Variants in IQCM observed in about 807,000 individuals in gnomAD.
IQCM encodes IQ motif containing M, also known as IQ domain-containing protein M.
Under a neutral mutation model 57.6 loss-of-function variants are expected in IQCM, and 45 were observed. The ratio of observed to expected loss-of-function variants is 0.78; its 90% confidence interval spans 0.62 to 1.00. The LOEUF (loss-of-function observed/expected upper bound fraction) is 1.00, where lower values mean the gene tolerates loss of function less well. IQCM is among the 50% of genes least tolerant of loss of function. The pLI is 0.00. For missense variants in IQCM, 468 were observed against 511.6 expected (o/e 0.91, Z 0.82); for synonymous variants, 148 against 158.9 (o/e 0.93, Z 0.51).
At chr4:149,716,473 T>A (rs996051626) in intron 5 of IQCM, among the ~76,000 whole-genome samples, 2 of 152,150 alleles carry the variant, frequency 1.3e-5, no homozygotes, top group African/African-American at 4.8e-5. Context: ...AGCAGAGATG[T>A]CCAGGTCCGC....
chr4:149,682,639 T>G (rs1018908292), intron 6 of IQCM, among the ~76,000 whole-genome samples: 58 of 150,896 alleles, frequency 3.8e-4, no homozygotes, highest in African/African-American at 1.3e-3. Flanking sequence ...AGAAAGAAAA[T>G]AAAAATCTCC....
intron 10 of IQCM, among the ~76,000 whole-genome samples, chr4:149,553,624 A>T (rs1749251961): frequency 1.3e-5 from 2 of 152,180 alleles, no homozygotes; most frequent in African/African-American, 4.8e-5. Flanking sequence ...TTAAGGTATT[A>T]TTCTGTAATA....
In IQCM at chr4:149,675,855, G is replaced by A. The variant is rs1189646006; in HGVS notation, c.565+6263C>T. Among the ~76,000 whole-genome samples, 5 of 152,080 alleles carry A rather than the reference G, an allele frequency of 3.3e-5. No homozygotes were observed. In the East Asian group the frequency reaches 9.7e-4, roughly 30 times the overall value. The stretch of plus-strand genomic sequence containing the variant: ...TATCTGAGAAGCAGCCATCCAGAAA[G>A]AGGAAATTTTCTAACTTTTTATCTC... On this transcript the variant is annotated intron_variant, in intron 7 of 13. Coordinates refer to ENST00000636793, the MANE Select transcript of IQCM (RefSeq NM_001363507.2).
chr4:149,762,843 C>T (rs1481939215), intron 2 of IQCM, among the ~76,000 whole-genome samples: 2 of 152,032 alleles, frequency 1.3e-5, no homozygotes, highest in African/African-American at 2.4e-5. Flanking sequence ...CCTAATTACT[C>T]TTATAAGGAG....
intron 5 of IQCM, among the ~76,000 whole-genome samples, chr4:149,731,477 G>A (rs953988106): frequency 1.3e-5 from 2 of 152,104 alleles, no homozygotes; most frequent in Non-Finnish European, 2.9e-5. Flanking sequence ...AAATTATTCA[G>A]GCATTTTGTT....
At chr4:149,765,011 A>G (rs2149973370) in intron 2 of IQCM, among the ~76,000 whole-genome samples, 1 of 152,212 alleles carries the variant, frequency 6.6e-6, no homozygotes, top group Non-Finnish European at 1.5e-5. Flanking sequence ...GATAAAGAGG[A>G]GAAGAGTTGA....
intron 12 of IQCM, among the ~76,000 whole-genome samples, chr4:149,494,164 G>T (rs1679909578): frequency 6.6e-6 from 1 of 151,766 alleles, no homozygotes; most frequent in African/African-American, 2.4e-5. Flanking sequence ...AATTAACTCA[G>T]GCACAGCAGT....
intron 13 of IQCM, among the ~76,000 whole-genome samples, chr4:149,423,513 T>C (rs1053271873): frequency 9.2e-5 from 14 of 152,140 alleles, no homozygotes; most frequent in African/African-American, 3.4e-4. Flanking sequence ...CTTTGAATAA[T>C]GTTAAAGAAG....
chr4:149,595,340 T>C lies in IQCM; in HGVS notation c.682-7343A>G, dbSNP rs570767700. Among the ~76,000 whole-genome samples, 74 of 152,254 alleles carry C rather than the reference T, an allele frequency of 4.9e-4. 1 individual carries two copies. The South Asian group carries it at 0.015, about 32-fold the overall frequency. The stretch of plus-strand genomic sequence containing the variant: ...TTCCTCCATCCCTTTATTTTTTAAG[T>C]AGGAAGGGATTTTCTCGGTTTTAAA... On this transcript the variant is annotated intron_variant, in intron 8 of 13. Coordinates refer to ENST00000636793, the MANE Select transcript of IQCM (RefSeq NM_001363507.2).
intron 5 of IQCM, among the ~76,000 whole-genome samples, chr4:149,703,636 A>G (rs1763933834): frequency 6.6e-6 from 1 of 151,940 alleles, no homozygotes; most frequent in Non-Finnish European, 1.5e-5. Context: ...GGTTAACAAA[A>G]GCTATAAAAT....
chr4:149,443,100 C>A (rs560957579), intron 12 of IQCM, among the ~76,000 whole-genome samples: 5 of 152,080 alleles, frequency 3.3e-5, no homozygotes, highest in African/African-American at 1.2e-4. Flanking sequence ...AACTCTTGTG[C>A]ATGGCTGATG....
intron 8 of IQCM, among the ~76,000 whole-genome samples, chr4:149,591,157 C>A (rs577070588): frequency 3.9e-5 from 6 of 152,170 alleles, no homozygotes; most frequent in African/African-American, 1.4e-4. Context: ...TGGTACCAAG[C>A]TTCTGATAAT....
intron 2 of IQCM, among the ~76,000 whole-genome samples, chr4:149,767,812 T>A (rs1580246321): frequency 6.6e-6 from 1 of 152,064 alleles, no homozygotes; most frequent in East Asian, 1.9e-4. Context: ...ATAATTGCAA[T>A]CCCTATGCGT....
intron 12 of IQCM, among the ~76,000 whole-genome samples, chr4:149,533,369 C>G (rs573392158): frequency 8.4e-4 from 128 of 152,140 alleles, no homozygotes; most frequent in Non-Finnish European, 1.4e-3. Context: ...CATTTCCCAA[C>G]AGCAACAGAC....
chr4:149,621,222 T>C lies in IQCM; in HGVS notation c.588A>G (p.Arg196=). ...GGAAAGACCTTGTCAGCACAAATCC[T>C]CTCCAGTCATAGAATGCTTTGTCTG... ...KEPDKAFYDW[R]GFVLTRSFRL... The change falls in exon 8 of 14, where the codon AGA becomes AGG. Residue 196 remains arginine, a synonymous_variant. Transcript: ENST00000636793. 8.1e-7 allele frequency: 1 copy of C among 1,231,412 alleles called. No homozygotes were observed. Among genetic ancestry groups the C allele is most frequent in the East Asian group, 3.2e-5 (1 of 31,690 alleles). The allele number at this position is 1,231,412 out of a possible 1,614,324, so 76.3% of individuals were successfully genotyped here.
At chr4:149,547,884 A>C (rs551526095) in intron 12 of IQCM, among the ~76,000 whole-genome samples, 1 of 152,342 alleles carries the variant, frequency 6.6e-6, no homozygotes, top group South Asian at 2.1e-4. Context: ...AGATGTTTTC[A>C]TACTTTTGTG....
chr4:149,543,070 A>G (rs990447857), intron 12 of IQCM, among the ~76,000 whole-genome samples: 28 of 152,146 alleles, frequency 1.8e-4, no homozygotes, highest in African/African-American at 6.8e-4. Flanking sequence ...TTGAAAAAAA[A>G]ATACATATTC....
intron 9 of IQCM, among the ~76,000 whole-genome samples, chr4:149,577,616 T>C (rs567205258): frequency 1.2e-4 from 18 of 152,128 alleles, no homozygotes; most frequent in African/African-American, 4.1e-4. Flanking sequence ...AGTATTGTGC[T>C]GTTTTGGTTA....
At chr4:149,810,259 G>C (rs778354549) in intron 2 of IQCM, among the ~76,000 whole-genome samples, 16 of 151,502 alleles carry the variant, frequency 1.1e-4, no homozygotes, top group Non-Finnish European at 2.1e-4. Context: ...CTACTTGGGA[G>C]GCTGAGGCAG....
Sources: gnomAD v4.1 joint callset for allele counts (sites outside exome capture counted in the v4.1 genomes callset) on GRCh38, gnomAD v4.1.1 for gene constraint, MANE v1.5 for transcripts, NCBI Gene and HGNC (gene_info 2026-07-23, HGNC 2026-07-21) for gene names.